SYT1: variants seen among roughly 807,000 people sequenced by gnomAD.
SYT1 encodes the protein synaptotagmin-1.
Under a neutral mutation model 44.8 loss-of-function variants are expected in SYT1, and 8 were observed. That is an observed-to-expected ratio of 0.18 (90% CI 0.10 to 0.32). SYT1 has a LOEUF of 0.32. SYT1 is among the 10% of genes least tolerant of loss of function. The pLI is 1.00. For synonymous variants in SYT1, 154 were observed against 188.8 expected (o/e 0.82, Z 1.51); for missense variants, 286 against 509.3 (o/e 0.56, Z 4.22).
chr12:79,306,783 A>G (rs1476356104), intron 8 of SYT1, among the ~76,000 whole-genome samples: 1 of 152,210 alleles, frequency 6.6e-6, no homozygotes, highest in Non-Finnish European at 1.5e-5. Context: ...TCATGTGTAT[A>G]AGCTGGCAGA....
chr12:79,023,380 T>C (rs1212855955), intron 2 of SYT1, among the ~76,000 whole-genome samples: 1 of 151,754 alleles, frequency 6.6e-6, no homozygotes, highest in East Asian at 1.9e-4. Context: ...CATCTGGAGA[T>C]CCTCATCTGT....
At chr12:79,007,058 T>A (rs562582820) in intron 2 of SYT1, among the ~76,000 whole-genome samples, 1 of 152,232 alleles carries the variant, frequency 6.6e-6, no homozygotes. Flanking sequence ...AATGTGAAAC[T>A]ATTCACAGTT....
intron 3 of SYT1, among the ~76,000 whole-genome samples, chr12:79,196,408 C>T (rs920489660): frequency 5.3e-5 from 8 of 152,036 alleles, no homozygotes; most frequent in African/African-American, 1.4e-4. Context: ...CCTCGTGATC[C>T]GCCCTCCTCA....
At chr12:79,002,360 T>C (rs1032783696) in intron 2 of SYT1, among the ~76,000 whole-genome samples, 1 of 152,132 alleles carries the variant, frequency 6.6e-6, no homozygotes, top group African/African-American at 2.4e-5. Context: ...ACAACTTACT[T>C]GCTCTTAGCT....
intron 3 of SYT1, among the ~76,000 whole-genome samples, chr12:79,145,986 T>A (rs938920960): frequency 6.6e-6 from 1 of 152,022 alleles, no homozygotes; most frequent in African/African-American, 2.4e-5. Context: ...CTCGATCTCC[T>A]GACCTCGTGA....
intron 3 of SYT1, among the ~76,000 whole-genome samples, chr12:79,097,263 T>G (rs565990360): frequency 1.4e-4 from 22 of 152,132 alleles, no homozygotes; most frequent in Admixed American, 7.9e-4. Flanking sequence ...TACAGGTATA[T>G]TCCCTTACTG....
intron 1 of SYT1, among the ~76,000 whole-genome samples, chr12:78,865,761 A>G (rs556146701): frequency 1.1e-3 from 175 of 152,282 alleles, no homozygotes; most frequent in Non-Finnish European, 6.6e-4. Flanking sequence ...TGGAACAAAA[A>G]TAAACCGACA....
intron 1 of SYT1, among the ~76,000 whole-genome samples, chr12:78,913,183 T>C (rs1485903337): frequency 6.6e-6 from 1 of 151,558 alleles, no homozygotes; most frequent in Non-Finnish European, 1.5e-5. Context: ...ATATGTTTTA[T>C]TTAATTATTG....
chr12:79,264,490 A>C (rs973298419), intron 4 of SYT1, among the ~76,000 whole-genome samples: 1 of 152,234 alleles, frequency 6.6e-6, no homozygotes, highest in African/African-American at 2.4e-5. Flanking sequence ...TAGCTTTTTC[A>C]GTCACTTCAA....
chr12:78,995,066 TACTG>T (rs1199419534), intron 2 of SYT1, among the ~76,000 whole-genome samples: 2 of 152,140 alleles, frequency 1.3e-5, no homozygotes, highest in South Asian at 2.1e-4. Flanking sequence ...GTTTTAAAAA[TACTG>T]ACACCTGGGT....
chr12:78,912,146 A>G (rs1235817609), intron 1 of SYT1, among the ~76,000 whole-genome samples: 1 of 151,952 alleles, frequency 6.6e-6, no homozygotes. Flanking sequence ...TGTATCTGTC[A>G]TTTGTGATAT....
intron 3 of SYT1, among the ~76,000 whole-genome samples, chr12:79,163,404 G>A (rs1239980121): frequency 2.6e-5 from 4 of 152,100 alleles, no homozygotes; most frequent in African/African-American, 9.7e-5. Context: ...TCAGGGAACT[G>A]TGTAGGCTAC....
chr12:78,913,642 GTTGT>G (rs1876473790), intron 1 of SYT1, among the ~76,000 whole-genome samples: 1 of 151,794 alleles, frequency 6.6e-6, no homozygotes, highest in Non-Finnish European at 1.5e-5. Flanking sequence ...TCCAGTATGA[GTTGT>G]TTGTTTATGC....
At chr12:79,219,613 A>G (rs1875031129) in intron 4 of SYT1, among the ~76,000 whole-genome samples, 1 of 152,032 alleles carries the variant, frequency 6.6e-6, no homozygotes, top group Non-Finnish European at 1.5e-5. Flanking sequence ...TTCTTTCTCC[A>G]TTGTGGGTTC....
intron 2 of SYT1, among the ~76,000 whole-genome samples, chr12:79,011,100 A>G (rs967494774): frequency 2.6e-5 from 4 of 152,242 alleles, no homozygotes; most frequent in East Asian, 1.9e-4. Flanking sequence ...AGGTTGCATT[A>G]GAATATAATA....
intron 3 of SYT1, among the ~76,000 whole-genome samples, chr12:79,211,332 T>C (rs1343830419): frequency 6.6e-6 from 1 of 152,214 alleles, no homozygotes; most frequent in African/African-American, 2.4e-5. Context: ...CTGGCACTTC[T>C]AATATTGTAA....
chr12:79,252,839 A>C (rs952586706), intron 4 of SYT1, among the ~76,000 whole-genome samples: 1 of 152,308 alleles, frequency 6.6e-6, no homozygotes, highest in African/African-American at 2.4e-5. Context: ...ACTTTCTCAG[A>C]TAAAGTCAAG....
intron 2 of SYT1, among the ~76,000 whole-genome samples, chr12:79,029,241 A>C (rs1253618565): frequency 6.6e-6 from 1 of 151,072 alleles, no homozygotes. Flanking sequence ...TGCAGATTGC[A>C]CTGAAAAGAG....
intron 4 of SYT1, among the ~76,000 whole-genome samples, chr12:79,245,015 T>G (rs1164206635): frequency 6.6e-6 from 1 of 152,134 alleles, no homozygotes; most frequent in Non-Finnish European, 1.5e-5. Context: ...GGCTACAAGA[T>G]AAGGTATGAG....
Sources: allele counts gnomAD v4.1 joint callset (sites outside exome capture counted in the v4.1 genomes callset), GRCh38; gene constraint gnomAD v4.1.1; transcripts MANE v1.5; gene names NCBI Gene and HGNC (gene_info 2026-07-23, HGNC 2026-07-21).